The following PTPRN2 variants were observed in gnomAD, a reference collection of about 807,000 sequenced individuals.
PTPRN2 encodes the protein protein tyrosine phosphatase receptor type N2.
In PTPRN2, 74 loss-of-function variants were observed where a neutral mutation model predicts 118.8. That is an observed-to-expected ratio of 0.62 (90% CI 0.52 to 0.76). The LOEUF (loss-of-function observed/expected upper bound fraction) is 0.76, where lower values mean the gene tolerates loss of function less well. Ranked by LOEUF, PTPRN2 falls within the 30% of genes least tolerant of loss-of-function variation. The pLI, the probability that PTPRN2 is intolerant of heterozygous loss-of-function variation, is 0.00. For missense variants in PTPRN2, 1,481 were observed against 1,394.4 expected, an observed-to-expected ratio of 1.06 and a Z score of -0.99; for synonymous variants, 641 against 608.0, an observed-to-expected ratio of 1.05 and a Z score of -0.80.
chr7:158,294,239 T>C (rs1800312542), intron 3 of PTPRN2, among the ~76,000 whole-genome samples: 1 of 152,238 alleles, frequency 6.6e-6, no homozygotes, highest in Non-Finnish European at 1.5e-5. Context: ...AACATTGTTA[T>C]GTTGTGCTTG....
In PTPRN2 at chr7:157,611,277, G is replaced by A. The variant is rs1301523263; in HGVS notation, c.2345-7202C>T. The stretch of plus-strand genomic sequence containing the variant: ...GGGATCGGAAGCATGTTGGGCAGGT[G>A]ACCTGGGGCAGGTGGACTAGAAGGA... On this transcript the variant is annotated intron_variant, in intron 15 of 22. Transcript: ENST00000389418. The surrounding 1 kb of genome is among the most constrained non-coding windows in gnomAD (Gnocchi z 5.9). Among the ~76,000 whole-genome samples, 1 of 152,154 alleles carries A rather than the reference G, an allele frequency of 6.6e-6. No homozygotes were observed. The highest frequency in any genetic ancestry group is 2.4e-5 in the African/African-American group (1 of 41,454).
intron 12 of PTPRN2, among the ~76,000 whole-genome samples, chr7:157,745,328 C>T (rs1000507344): frequency 7.2e-5 from 11 of 151,954 alleles, no homozygotes; most frequent in African/African-American, 2.4e-4. Flanking sequence ...CGGACTCGTC[C>T]ACCCTCTCAC....
intron 6 of PTPRN2, 74 bp downstream of exon 6, chr7:158,166,857 G>A: frequency 7.2e-7 from 1 of 1,388,242 alleles, no homozygotes; most frequent in Non-Finnish European, 9.4e-7. Context: ...GGAAGAGCAT[G>A]GTGCGTCTGT....
At chr7:157,803,769 A>G (rs112687612) in intron 12 of PTPRN2, among the ~76,000 whole-genome samples, 2,888 of 152,090 alleles carry the variant, frequency 0.019, 85 homozygotes, top group South Asian at 0.12. Context: ...TGTTCCATTG[A>G]TCTATAAGTC....
At chr7:158,009,713 A>G (rs1465733) in intron 11 of PTPRN2, among the ~76,000 whole-genome samples, 127,695 of 151,832 alleles carry the variant, frequency 0.84, 53,797 homozygotes, top group East Asian at 0.87. Context: ...CTGCCTGGGC[A>G]CAGCTCTTTC....
chr7:158,229,286 A>G (rs923250871), intron 3 of PTPRN2, among the ~76,000 whole-genome samples: 1 of 152,104 alleles, frequency 6.6e-6, no homozygotes, highest in African/African-American at 2.4e-5. Flanking sequence ...AACTAAAACA[A>G]GCCAGGAGAC....
In PTPRN2 at chr7:157,764,509, T is replaced by TA. The variant is rs774239801; in HGVS notation, c.1789-81573dup. On this transcript the variant is annotated intron_variant, in intron 12 of 22. Coordinates refer to ENST00000389418, the MANE Select transcript of PTPRN2 (RefSeq NM_002847.5). The surrounding 1 kb of genome is among the most constrained non-coding windows in gnomAD (Gnocchi z 4.5). The stretch of plus-strand genomic sequence containing the variant: ...GATAAACACTGTGTGATTCCACTCG[T>TA]ATGGGGTCCTTAGAGTCATCAGATC... Among the ~76,000 whole-genome samples the TA allele has an allele frequency of 7.9e-5, 12 of 152,196 alleles. No homozygotes were observed. The highest frequency in any genetic ancestry group is 1.2e-4 in the Non-Finnish European group (8 of 68,036).
chr7:158,341,616 C>T (rs1433495025), intron 2 of PTPRN2, among the ~76,000 whole-genome samples: 2 of 97,560 alleles, frequency 2.1e-5, no homozygotes, highest in African/African-American at 4.2e-5. Flanking sequence ...CACACCCACA[C>T]TCTCACCATA....
At chr7:157,604,295 C>T (rs900261214) in intron 15 of PTPRN2, among the ~76,000 whole-genome samples, 3 of 152,242 alleles carry the variant, frequency 2.0e-5, no homozygotes, top group African/African-American at 4.8e-5. Context: ...GCATCCTCTC[C>T]CAGGACTCTG....
chr7:157,645,770 G>A (rs746377529), intron 14 of PTPRN2, among the ~76,000 whole-genome samples: 19 of 152,166 alleles, frequency 1.2e-4, no homozygotes, highest in African/African-American at 1.7e-4. Context: ...CCAGAGTCCC[G>A]GTGTGGGTGG....
At chr7:158,358,103 C>T (rs2151282098) in intron 2 of PTPRN2, among the ~76,000 whole-genome samples, 1 of 152,340 alleles carries the variant, frequency 6.6e-6, no homozygotes, top group South Asian at 2.1e-4. Flanking sequence ...ATGAACTCAG[C>T]CCAGGACAGT....
chr7:158,343,056 A>G (rs1047749206), intron 2 of PTPRN2, among the ~76,000 whole-genome samples: 6 of 152,234 alleles, frequency 3.9e-5, no homozygotes, highest in Non-Finnish European at 8.8e-5. Context: ...TCTCAAAAAG[A>G]AAGAATGTAA....
At chr7:158,058,910 C>T (rs1168002187) in intron 11 of PTPRN2, among the ~76,000 whole-genome samples, 28 of 115,354 alleles carry the variant, frequency 2.4e-4, no homozygotes, top group Non-Finnish European at 3.8e-4. Flanking sequence ...ACTCCATCTG[C>T]CCACAGTGAG....
chr7:158,228,729 G>A (rs1329552119), intron 3 of PTPRN2, among the ~76,000 whole-genome samples: 1 of 152,098 alleles, frequency 6.6e-6, no homozygotes, highest in Non-Finnish European at 1.5e-5. Flanking sequence ...AAGAGTATGG[G>A]AAATTTCCCC....
At chr7:158,178,589 C>CTTTTTTTTTT (rs56710690) in intron 5 of PTPRN2, among the ~76,000 whole-genome samples, 8 of 67,386 alleles carry the variant, frequency 1.2e-4, no homozygotes, top group African/African-American at 4.2e-4. Context: ...CATTTTCTTT[C>CTTTTTTTTTT]TTTTTTTTTT....
chr7:158,275,731 C>A (rs35608968), intron 3 of PTPRN2, among the ~76,000 whole-genome samples: 48,686 of 151,980 alleles, frequency 0.32, 8,104 homozygotes, highest in African/African-American at 0.4. Context: ...CCCCACCCTG[C>A]GCACCTCCAC....
At chr7:157,885,278 G>A (rs535421123) in intron 12 of PTPRN2, among the ~76,000 whole-genome samples, 10 of 152,270 alleles carry the variant, frequency 6.6e-5, no homozygotes, top group South Asian at 6.2e-4. Flanking sequence ...TCACTGTCTC[G>A]GGAGCAAGGC....
chr7:158,071,068 CGTGGTGGTGGAGGTG>C (rs1811397584), intron 11 of PTPRN2, among the ~76,000 whole-genome samples: 2 of 53,540 alleles, frequency 3.7e-5, no homozygotes, highest in Non-Finnish European at 6.5e-5. Flanking sequence ...TGGAGGTGCT[CGTGGTGGTGGAGGTG>C]CCCGTGGTGG....
chr7:158,487,302 G>C (rs1821101941), intron 2 of PTPRN2, among the ~76,000 whole-genome samples: 1 of 152,126 alleles, frequency 6.6e-6, no homozygotes, highest in South Asian at 2.1e-4. Context: ...AAGTGGGGTT[G>C]CTGAGGCAAA....
Sources: allele counts gnomAD v4.1 joint callset (sites outside exome capture counted in the v4.1 genomes callset), GRCh38; gene constraint gnomAD v4.1.1; non-coding constraint Gnocchi (gnomAD v3.1); transcripts MANE v1.5; gene names NCBI Gene and HGNC (gene_info 2026-07-23, HGNC 2026-07-21).